CDK19: variants seen among roughly 807,000 people sequenced by gnomAD.
CDK19 encodes the protein cyclin dependent kinase 19.
In CDK19, 20 loss-of-function variants were observed where a neutral mutation model predicts 68.3. The ratio of observed to expected loss-of-function variants is 0.29; its 90% confidence interval spans 0.21 to 0.43. The LOEUF (loss-of-function observed/expected upper bound fraction) is 0.43. CDK19 is among the 20% of genes least tolerant of loss of function. The pLI, the probability that CDK19 is intolerant of heterozygous loss-of-function variation, is 1.00. For synonymous variants in CDK19, 221 were observed against 222.8 expected (o/e 0.99, Z 0.07); for missense variants, 339 against 623.5 (o/e 0.54, Z 4.86).
At chr6:110,641,925 G>A (rs1030984732) in intron 4 of CDK19, among the ~76,000 whole-genome samples, 3 of 152,212 alleles carry the variant, frequency 2.0e-5, no homozygotes, top group African/African-American at 4.8e-5. Context: ...TGACAGCCTA[G>A]ACATATTTTG....
At chr6:110,677,009 G>A (rs1348633959) in intron 2 of CDK19, among the ~76,000 whole-genome samples, 5 of 152,098 alleles carry the variant, frequency 3.3e-5, no homozygotes, top group East Asian at 1.9e-4. Context: ...CTATTTCTGT[G>A]TACCTCTTAT....
chr6:110,740,600 A>G (rs1297550949), intron 2 of CDK19, among the ~76,000 whole-genome samples: 1 of 152,202 alleles, frequency 6.6e-6, no homozygotes, highest in Non-Finnish European at 1.5e-5. Flanking sequence ...CCATGATTAC[A>G]AGCTCTTTAA....
chr6:110,774,937 A>T (rs1171245832), intron 1 of CDK19, among the ~76,000 whole-genome samples: 1 of 149,678 alleles, frequency 6.7e-6, no homozygotes. Flanking sequence ...CGACAGAGCA[A>T]GACCCTATTT....
At chr6:110,776,106 A>C (rs909040956) in intron 1 of CDK19, among the ~76,000 whole-genome samples, 32 of 152,228 alleles carry the variant, frequency 2.1e-4, no homozygotes, top group Non-Finnish European at 4.0e-4. Context: ...TATTTAAATT[A>C]GCGACTTAAC....
At chr6:110,802,251 A>G (rs745857323) in intron 1 of CDK19, among the ~76,000 whole-genome samples, 13 of 152,236 alleles carry the variant, frequency 8.5e-5, no homozygotes, top group Non-Finnish European at 1.8e-4. Context: ...TCATAACACT[A>G]TTCACAATAC....
chr6:110,701,120 C>G (rs769869998), intron 2 of CDK19, among the ~76,000 whole-genome samples: 5 of 152,140 alleles, frequency 3.3e-5, no homozygotes, highest in Non-Finnish European at 7.4e-5. Flanking sequence ...AGGAGAATTC[C>G]TAGAACCTGA....
chr6:110,785,760 C>T (rs746418693), intron 1 of CDK19, among the ~76,000 whole-genome samples: 14 of 152,108 alleles, frequency 9.2e-5, no homozygotes, highest in Non-Finnish European at 2.1e-4. Flanking sequence ...GCAGGCAGAT[C>T]GCCTGAGTTT....
intron 1 of CDK19, among the ~76,000 whole-genome samples, chr6:110,811,946 C>T (rs1029466964): frequency 2.0e-5 from 3 of 151,120 alleles, no homozygotes; most frequent in Non-Finnish European, 4.4e-5. Flanking sequence ...ACTTGTAATC[C>T]CAGCATTTTG....
intron 2 of CDK19, among the ~76,000 whole-genome samples, chr6:110,686,159 T>C (rs1046814858): frequency 3.3e-5 from 5 of 152,204 alleles, no homozygotes; most frequent in African/African-American, 1.2e-4. Context: ...TTGGGGACTT[T>C]ACAGCCTAAA....
At chr6:110,718,005 T>C (rs1775537818) in intron 2 of CDK19, among the ~76,000 whole-genome samples, 1 of 152,156 alleles carries the variant, frequency 6.6e-6, no homozygotes, top group Admixed American at 6.5e-5. Flanking sequence ...AAAGCAGGCC[T>C]AAAGGAGCCT....
chr6:110,806,311 G>A (rs1782678714), intron 1 of CDK19, among the ~76,000 whole-genome samples: 1 of 149,552 alleles, frequency 6.7e-6, no homozygotes, highest in Admixed American at 6.8e-5. Flanking sequence ...TCACACAACA[G>A]CCTGGGCAAG....
chr6:110,711,551 T>C (rs1197203404), intron 2 of CDK19, among the ~76,000 whole-genome samples: 1 of 151,668 alleles, frequency 6.6e-6, no homozygotes, highest in Non-Finnish European at 1.5e-5. Context: ...TATTTTTGTG[T>C]AGCAAAAAGA....
At chr6:110,772,016 C>T (rs993874358) in intron 1 of CDK19, among the ~76,000 whole-genome samples, 3 of 152,194 alleles carry the variant, frequency 2.0e-5, no homozygotes, top group African/African-American at 7.2e-5. Context: ...CCAAACTTTG[C>T]CACATTTTCC....
chr6:110,677,291 C>T (rs1411726630), intron 2 of CDK19, among the ~76,000 whole-genome samples: 3 of 151,900 alleles, frequency 2.0e-5, no homozygotes, highest in Non-Finnish European at 2.9e-5. Context: ...TGGCAGGGCG[C>T]GGTGGCTCAT....
chr6:110,792,648 C>G (rs1320431082), intron 1 of CDK19, among the ~76,000 whole-genome samples: 1 of 152,198 alleles, frequency 6.6e-6, no homozygotes, highest in Non-Finnish European at 1.5e-5. Flanking sequence ...CTCAGGTGAT[C>G]CACCCGCCGC....
chr6:110,708,560 C>T (rs1453608428), intron 2 of CDK19, among the ~76,000 whole-genome samples: 1 of 152,190 alleles, frequency 6.6e-6, no homozygotes, highest in East Asian at 1.9e-4. Flanking sequence ...GAAGGGCAGG[C>T]TCTCCGACCA....
chr6:110,730,511 T>G (rs1582969522), intron 2 of CDK19, among the ~76,000 whole-genome samples: 1 of 152,218 alleles, frequency 6.6e-6, no homozygotes. Context: ...GCCCATAAAC[T>G]GTCCCATAAC....
At chr6:110,794,284 T>C (rs1781785838) in intron 1 of CDK19, among the ~76,000 whole-genome samples, 1 of 152,066 alleles carries the variant, frequency 6.6e-6, no homozygotes, top group African/African-American at 2.4e-5. Context: ...TGACCTCAGG[T>C]GATCCGCCCA....
chr6:110,745,945 T>C (rs1419985852), intron 2 of CDK19, among the ~76,000 whole-genome samples, 181 bp downstream of exon 2: 1 of 152,146 alleles, frequency 6.6e-6, no homozygotes, highest in Non-Finnish European at 1.5e-5. Flanking sequence ...TGAGATCCTG[T>C]CTCAAAATTT....
Sources: allele counts gnomAD v4.1 joint callset (sites outside exome capture counted in the v4.1 genomes callset), GRCh38; gene constraint gnomAD v4.1.1; transcripts MANE v1.5; gene names NCBI Gene and HGNC (gene_info 2026-07-23, HGNC 2026-07-21).